Variants in TTC38 observed in about 807,000 individuals in gnomAD.
TTC38 encodes tetratricopeptide repeat protein 38.
A neutral mutation model predicts 64.2 loss-of-function variants in TTC38; 64 were observed. The ratio of observed to expected loss-of-function variants is 1.00; its 90% CI spans 0.81 to 1.23. The LOEUF (loss-of-function observed/expected upper bound fraction) is 1.23. TTC38 is among the 50% of genes most tolerant of loss of function. The pLI, the probability that TTC38 is intolerant of heterozygous loss-of-function variation, is 0.00. For missense variants in TTC38, 573 were observed against 615.5 expected, an observed-to-expected ratio of 0.93 and a Z score of 0.73; for synonymous variants, 254 against 249.3, an observed-to-expected ratio of 1.02 and a Z score of -0.18.
rs1268361858 is a variant in TTC38, at chr22:46,274,294, A to G, written c.365+225A>G. 2.6e-5 allele frequency among the ~76,000 whole-genome samples: 4 copies of G among 152,206 alleles called. No individual in the cohort carries two copies. The highest frequency in any genetic ancestry group is 2.6e-4 in the Admixed American group (4 of 15,282). On this transcript the variant is annotated intron_variant, in intron 4 of 13. Transcript: ENST00000381031. This position sits in a 1 kb window ranked among gnomAD's most constrained non-coding sequence, Gnocchi z 4.8. ...GTGAAGATTCCCAACTTAGTGTCCA[A>G]AGTAACTTGCTTTGTTTCATTAAGT... is the stretch of plus-strand genomic sequence containing the variant.
chr22:46,275,443 C>T lies in TTC38; in HGVS notation c.539+22C>T. The T allele has an allele frequency of 6.3e-7, 1 of 1,597,508 alleles. No homozygotes were observed. The highest frequency in any genetic ancestry group is 8.5e-7 in the Non-Finnish European group (1 of 1,171,256). The stretch of plus-strand genomic sequence containing the variant: ...GCAGGTATGTGCCAGCTGGAAATCA[C>T]ATTATTTCTGTTTCTTAATCTCTCT... On this transcript the variant is annotated intron_variant, in intron 5 of 13. Coordinates refer to ENST00000381031, the MANE Select transcript of TTC38 (RefSeq NM_017931.4). This position sits in a 1 kb window ranked among gnomAD's most constrained non-coding sequence, Gnocchi z 4.5.
intron 8 of TTC38, among the ~76,000 whole-genome samples, chr22:46,284,761 C>T (rs924689511): frequency 6.6e-6 from 1 of 150,654 alleles, no homozygotes; most frequent in African/African-American, 2.4e-5. Context: ...TCCCTGTAGT[C>T]CTGAGCCTGA....
chr22:46,280,772 A>G (rs183452615), intron 6 of TTC38, among the ~76,000 whole-genome samples: 1 of 152,204 alleles, frequency 6.6e-6, no homozygotes, highest in Non-Finnish European at 1.5e-5. Context: ...CTGGACCCCT[A>G]TGAAAGGCGT....
intron 8 of TTC38, among the ~76,000 whole-genome samples, chr22:46,284,328 T>C (rs2077556521): frequency 6.6e-6 from 1 of 152,176 alleles, no homozygotes; most frequent in South Asian, 2.1e-4. Flanking sequence ...CATGAGATCT[T>C]CCAACGGGAG....
At chr22:46,269,072 G>T in intron 2 of TTC38, 1 of 395,542 alleles carries the variant, frequency 2.5e-6, no homozygotes, top group South Asian at 1.8e-5. Flanking sequence ...ACGTGGGAGG[G>T]TGGGGACATA....
chr22:46,283,953 C>CTTT lies in TTC38; in HGVS notation c.736-9_736-7dup. 1.3e-4 allele frequency: 172 copies of CTTT among 1,312,142 alleles called. No homozygotes were observed. Among genetic ancestry groups the CTTT allele is most frequent in the South Asian group, 3.8e-4 (29 of 75,864 alleles). The allele number at this position is 1,312,142 out of a possible 1,614,324, so 81.3% of individuals were successfully genotyped here. On this transcript the variant is annotated intron_variant, in intron 7 of 13. Coordinates refer to ENST00000381031, the MANE Select transcript of TTC38 (RefSeq NM_017931.4). ...GGCCTTCAGACTTTTCATAAATTCT[C>CTTT]TTTTTTTTTTTTTCTCCAGGACTCT...
intron 10 of TTC38, 148 bp downstream of exon 10, chr22:46,287,302 C>T (rs535073849): frequency 1.4e-5 from 9 of 628,852 alleles, no homozygotes; most frequent in Middle Eastern, 4.1e-4. Flanking sequence ...CCTTGGGTAC[C>T]GTTCTGCAGC....
intron 7 of TTC38, among the ~76,000 whole-genome samples, chr22:46,283,688 C>T (rs1268763411): frequency 1.3e-5 from 2 of 151,714 alleles, no homozygotes; most frequent in Non-Finnish European, 2.9e-5. Context: ...CCTGTCTCTA[C>T]CAAAGATACA....
rs536101428 is a variant in TTC38 at position 46,280,903 on chromosome 22, C to G, written c.616-696C>G. Reference sequence around the variant, plus strand: ...TACTGCTCCATTTTCTAAGCTCTGACTGTGGCTGAGTAGATGCTTAGCAAA... The same window carrying G: ...TACTGCTCCATTTTCTAAGCTCTGAGTGTGGCTGAGTAGATGCTTAGCAAA... On this transcript the variant is annotated intron_variant, in intron 6 of 13. Transcript: ENST00000381031. Among the ~76,000 whole-genome samples, 101 of 152,388 alleles carry G rather than the reference C, an allele frequency of 6.6e-4. 1 individual carries two copies. The highest frequency in any genetic ancestry group is 2.3e-3 in the African/African-American group (96 of 41,596).
At position 46,281,601 on chromosome 22, in the gene TTC38, T is replaced by G; in HGVS notation, c.618T>G (p.Ala206=). The G allele has an allele frequency of 6.2e-7, 1 of 1,613,952 alleles. No individual in the cohort carries two copies. The highest frequency in any genetic ancestry group is 8.5e-7 in the Non-Finnish European group (1 of 1,179,960). Residue 206 remains alanine (A), a splice_region_variant and synonymous_variant, in exon 7 of 14, where the codon GCT becomes GCG. Transcript: ENST00000381031. This position sits in a 1 kb window ranked among gnomAD's most constrained non-coding sequence, Gnocchi z 5.2. ...CCTCTTCCCCGCACCCTGCGTAGGC[T>G]TTATCTATTAACCCGACAGACGCAT... is the stretch of plus-strand genomic sequence containing the variant. ...YDQAEKLAKE[A]LSINPTDAWS...
At position 46,281,616 on chromosome 22, in the gene TTC38, G is replaced by A. The variant is rs768456968; in HGVS notation, c.633G>A (p.Pro211=). ...CTGCGTAGGCTTTATCTATTAACCC[G>A]ACAGACGCATGGTCGGTGCACACCG... ...KLAKEALSIN[P]TDAWSVHTVA... is the part of the protein sequence containing the mutation. The change falls in exon 7 of 14, where the codon CCG becomes CCA. Residue 211 remains proline (P), a synonymous_variant. Coordinates refer to ENST00000381031, the MANE Select transcript of TTC38 (RefSeq NM_017931.4). The surrounding 1 kb of genome is among the most constrained non-coding windows in gnomAD (Gnocchi z 5.2). The A allele has an allele frequency of 4.8e-5, 77 of 1,613,974 alleles. No homozygotes were observed. The highest frequency in any genetic ancestry group is 6.0e-5 in the Non-Finnish European group (71 of 1,180,034).
At chr22:46,288,669 G>A in intron 11 of TTC38, 81 bp downstream of exon 11, 2 of 1,386,910 alleles carry the variant, frequency 1.4e-6, no homozygotes, top group South Asian at 2.6e-5. Flanking sequence ...GCTGAGACCT[G>A]TTCAGTGCCT....
chr22:46,269,099 A>G, intron 2 of TTC38: 1 of 407,576 alleles, frequency 2.5e-6, no homozygotes, highest in Non-Finnish European at 5.0e-6. Flanking sequence ...CCCCCCCCCC[A>G]CAGCGTCCTA....
At chr22:46,268,368 C>T (rs1281029736) in intron 1 of TTC38, 146 bp from the exon 2 acceptor site, 8 of 883,420 alleles carry the variant, frequency 9.1e-6, no homozygotes, top group South Asian at 1.6e-5. Flanking sequence ...GTAAGGGGCT[C>T]CTTGGAACCG....
rs1555886902 is a variant in TTC38, at chr22:46,276,824, A to AATATATATATATTAAATATATAT, written c.539+1415_539+1416insTAAATATATATATATATATATAT. Among the ~76,000 whole-genome samples, 32 of 139,548 alleles carry AATATATATATATTAAATATATAT rather than the reference A, an allele frequency of 2.3e-4. No homozygotes were observed. The highest frequency in any genetic ancestry group is 7.5e-4 in the African/African-American group (27 of 36,124). The allele number at this position is 139,548 out of a possible 152,430, so 91.5% of individuals were successfully genotyped here. ...ATTATATATTAAAATATATATATTA[A>AATATATATATATTAAATATATAT]ATATATATATATATATAAACATATA... On this transcript the variant is annotated intron_variant, in intron 5 of 13. Coordinates refer to ENST00000381031, the MANE Select transcript of TTC38 (RefSeq NM_017931.4). The surrounding 1 kb of genome is among the most constrained non-coding windows in gnomAD (Gnocchi z 4.7).
rs745786713 is a variant in TTC38 at position 46,289,853 on chromosome 22, C to G, written c.1270C>G (p.His424Asp). ...AGACGTCTTCAACCAGCTGCTGATT[C>G]ACGCGGCCTTAAACTGCACCTCCAG... The part of the protein sequence containing the change: ...QRDVFNQLLI[H>D]AALNCTSSVH... The change falls in exon 13 of 14, where the codon CAC becomes GAC. Residue 424 changes from histidine to aspartate, a missense_variant. His to Asp is a moderately conservative substitution (Grantham distance 81). Around this residue, in one of 3 missense-constraint regions of TTC38, gnomAD observed 371 missense variants for 381.8 expected, o/e 0.97. Coordinates refer to ENST00000381031, the MANE Select transcript of TTC38 (RefSeq NM_017931.4). 24 of 1,614,230 alleles carry G rather than the reference C, an allele frequency of 1.5e-5. No homozygotes were observed. The South Asian group carries it at 2.5e-4, about 17-fold the overall frequency.
chr22:46,292,665 G>C lies in TTC38; in HGVS notation c.1317-126G>C. 1.2e-6 allele frequency: 1 copy of C among 834,038 alleles called. No individual in the cohort carries two copies. Among genetic ancestry groups the C allele is most frequent in the Non-Finnish European group, 2.0e-6 (1 of 504,778 alleles). 51.7% of individuals were successfully genotyped at this position (834,038 alleles called of 1,614,324 possible). ...GCCAGGCCTCCTGCCCCTGGGCCTT[G>C]GCCCTTGCTGTTCCCTCAGTGCCGC... is the stretch of plus-strand genomic sequence containing the variant. On this transcript the variant is annotated intron_variant, in intron 13 of 13. Coordinates refer to ENST00000381031, the MANE Select transcript of TTC38 (RefSeq NM_017931.4). This position sits in a 1 kb window ranked among gnomAD's most constrained non-coding sequence, Gnocchi z 6.5.
At chr22:46,280,232 C>G (rs780890034) in intron 6 of TTC38, 1 of 470,212 alleles carries the variant, frequency 2.1e-6, no homozygotes, top group South Asian at 1.6e-5. Flanking sequence ...GCGGCAGGCA[C>G]AGGCACAGCC....
At position 46,272,318 on chromosome 22, in the gene TTC38, TG is replaced by T. The variant is rs1344090796; in HGVS notation, c.112-16del. ...CCAAGGGCTCCGTGAGGACTTGTTT[TG>T]CTTTTCCCATTTCAGTATGTAAAAT... On this transcript the variant is annotated splice_polypyrimidine_tract_variant and intron_variant, in intron 2 of 13. Coordinates refer to ENST00000381031, the MANE Select transcript of TTC38 (RefSeq NM_017931.4). This position sits in a 1 kb window ranked among gnomAD's most constrained non-coding sequence, Gnocchi z 6.4. 1 of 1,610,948 alleles carries T rather than the reference TG, an allele frequency of 6.2e-7. No homozygotes were observed. Among genetic ancestry groups the T allele is most frequent in the South Asian group, 1.1e-5 (1 of 90,988 alleles).
Sources: gnomAD v4.1 joint callset for allele counts (sites outside exome capture counted in the v4.1 genomes callset) on GRCh38, gnomAD v4.1.1 for gene constraint, gnomAD v4.1.1 regional missense constraint, Gnocchi (gnomAD v3.1) non-coding constraint, MANE v1.5 for transcripts, NCBI Gene and HGNC (gene_info 2026-07-23, HGNC 2026-07-21) for gene names.